MAP3K19: variants seen among roughly 807,000 people sequenced by gnomAD.
MAP3K19 encodes the protein mitogen-activated protein kinase kinase kinase 19.
A neutral mutation model predicts 114.4 loss-of-function variants in MAP3K19; 91 were observed. The ratio of observed to expected loss-of-function variants is 0.80; its 90% CI spans 0.67 to 0.95. MAP3K19 has a LOEUF of 0.95. Ranked by LOEUF, MAP3K19 falls within the 40% of genes least tolerant of loss-of-function variation. The pLI, the probability that MAP3K19 is intolerant of heterozygous loss-of-function variation, is 0.00. For missense variants in MAP3K19, 1,471 were observed against 1,573.2 expected (o/e 0.94, Z 1.10); for synonymous variants, 518 against 530.5 (o/e 0.98, Z 0.32).
At chr2:134,997,896 T>A (rs746852507) in intron 8 of MAP3K19, among the ~76,000 whole-genome samples, 9 of 152,040 alleles carry the variant, frequency 5.9e-5, no homozygotes, top group Non-Finnish European at 8.8e-5. Flanking sequence ...CCATAATAAT[T>A]ATTCTTTTTT....
intron 5 of MAP3K19, among the ~76,000 whole-genome samples, chr2:135,018,756 C>A (rs766393988): frequency 2.0e-5 from 3 of 152,092 alleles, no homozygotes; most frequent in African/African-American, 4.8e-5. Context: ...GGCAAAAATA[C>A]GTACCTCGAC....
At chr2:135,001,281 A>C (rs1463103445) in intron 6 of MAP3K19, among the ~76,000 whole-genome samples, 1 of 152,206 alleles carries the variant, frequency 6.6e-6, no homozygotes, top group Non-Finnish European at 1.5e-5. Flanking sequence ...CTCAAAGGAG[A>C]CAACTTGATT....
chr2:135,024,654 G>A lies in MAP3K19; in HGVS notation c.-7C>T. 1 of 1,612,978 alleles carries A rather than the reference G, an allele frequency of 6.2e-7. No individual in the cohort carries two copies. Among genetic ancestry groups the A allele is most frequent in the African/African-American group, 1.3e-5 (1 of 74,986 alleles). ...GTTTTGGCATAGAACTCATTAAAAT[G>A]TCCAAAAGCTGCTGTTTCTTTGAAC... On this transcript the variant is annotated 5_prime_UTR_variant, in exon 4 of 13. Coordinates refer to ENST00000392915, the MANE Select transcript of MAP3K19 (RefSeq NM_025052.5).
At chr2:134,989,650 A>G (rs889735850) in intron 9 of MAP3K19, among the ~76,000 whole-genome samples, 1 of 152,244 alleles carries the variant, frequency 6.6e-6, no homozygotes, top group African/African-American at 2.4e-5. Flanking sequence ...TAGGAAAAGA[A>G]GGGTCAGGTA....
intron 12 of MAP3K19, among the ~76,000 whole-genome samples, chr2:134,976,202 G>A (rs1011852130): frequency 6.6e-6 from 1 of 152,200 alleles, no homozygotes; most frequent in African/African-American, 2.4e-5. Flanking sequence ...GTCTGGTGGG[G>A]GCTGGACTCT....
At chr2:135,032,599 A>T (rs1438556076) in intron 2 of MAP3K19, among the ~76,000 whole-genome samples, 10 of 151,114 alleles carry the variant, frequency 6.6e-5, no homozygotes, top group African/African-American at 2.4e-4. Flanking sequence ...TTTTTAATTT[A>T]ATTTAATTTT....
chr2:134,988,084 TC>T lies in MAP3K19; in HGVS notation c.787del (p.Glu263SerfsTer6). ...RQSDELSPSNEPPGALVKSLM... is the reference protein window; with the variant it reads ...RQSDELSPSNXPPGALVKSLM... ...CGACTTAACTAGGGCTCCCGGAGGC[TC>T]GTTTGATGGGCTGAGCTCATCAGAT... On this transcript the variant is annotated frameshift_variant, in exon 10 of 13. Coordinates refer to ENST00000392915, the MANE Select transcript of MAP3K19 (RefSeq NM_025052.5). LOFTEE classifies it high-confidence loss of function. 4 of 1,613,828 alleles carry T rather than the reference TC, an allele frequency of 2.5e-6. No homozygotes were observed. Among genetic ancestry groups the T allele is most frequent in the Non-Finnish European group, 3.4e-6 (4 of 1,179,864 alleles).
In MAP3K19 at chr2:134,986,210, T is replaced by A; in HGVS notation, c.2662A>T (p.Thr888Ser). The A allele has an allele frequency of 1.2e-6, 2 of 1,613,944 alleles. No individual in the cohort carries two copies. Among genetic ancestry groups the A allele is most frequent in the Non-Finnish European group, 1.7e-6 (2 of 1,179,960 alleles). The stretch of plus-strand genomic sequence containing the variant: ...ACACTATCAAACTCTAGATCATTAG[T>A]TAAAATTCGGCTGGCATTTACTTTA... Reference protein sequence around the residue: ...LSKVNASRILTNDLEFDSVSD... With the variant: ...LSKVNASRILSNDLEFDSVSD... The change falls in exon 10 of 13, where the codon ACT becomes TCT. Residue 888 changes from threonine (T) to serine (S), a missense_variant. Transcript: ENST00000392915.
In MAP3K19 at chr2:134,980,847, T is replaced by C. The variant is rs1684584789; in HGVS notation, c.3894A>G (p.Ala1298=). The C allele has an allele frequency of 6.2e-7, 1 of 1,614,066 alleles. No individual in the cohort carries two copies. Among genetic ancestry groups the C allele is most frequent in the East Asian group, 2.2e-5 (1 of 44,886 alleles). Residue 1298 remains alanine (A), a synonymous_variant, in exon 12 of 13, where the codon GCA becomes GCG. Coordinates refer to ENST00000392915, the MANE Select transcript of MAP3K19 (RefSeq NM_025052.5). ...TGGTCAGGCACATGCGCACAAAGTC[T>C]GCTGCATTTTCTGAGAAGTGGTCTG... ...PLPDHFSENA[A]DFVRMCLTRD...
rs772686682 is a variant in MAP3K19 at position 134,987,521 on chromosome 2, G to A, written c.1351C>T (p.Pro451Ser). 1 of 1,614,022 alleles carries A rather than the reference G, an allele frequency of 6.2e-7. No homozygotes were observed. The highest frequency in any genetic ancestry group is 1.1e-5 in the South Asian group (1 of 91,076). ...KSLSSVVFDD[P>S]IDKLPEGCSS... ...CAACCTTCTGGGAGTTTATCAATGG[G>A]GTCATCAAAGACTACACTGGATAAG... Residue 451 changes from proline (P) to serine (S), a missense_variant, in exon 10 of 13, where the codon CCC (proline) becomes TCC (serine). By Grantham distance (74) the Pro-to-Ser change is moderately conservative. Coordinates refer to ENST00000392915, the MANE Select transcript of MAP3K19 (RefSeq NM_025052.5).
intron 6 of MAP3K19, among the ~76,000 whole-genome samples, chr2:135,002,687 A>C (rs1215790280): frequency 4.6e-5 from 7 of 151,794 alleles, no homozygotes; most frequent in African/African-American, 1.7e-4. Flanking sequence ...AGACTGATGC[A>C]TGTGAGTTAC....
At chr2:134,967,613 G>C (rs1349380840) in intron 12 of MAP3K19, among the ~76,000 whole-genome samples, 1 of 152,244 alleles carries the variant, frequency 6.6e-6, no homozygotes, top group Non-Finnish European at 1.5e-5. Flanking sequence ...TCCAGTCATA[G>C]TACCTTCCCT....
At chr2:135,023,540 G>T in intron 4 of MAP3K19, 1 of 533,266 alleles carries the variant, frequency 1.9e-6, no homozygotes, top group South Asian at 1.4e-5. Context: ...TTTGTTGGTT[G>T]TATTTCCATC....
chr2:134,980,730 A>G (rs1684570459), intron 12 of MAP3K19, 91 bp downstream of exon 12: 13 of 1,186,356 alleles, frequency 1.1e-5, no homozygotes, highest in South Asian at 6.0e-5. Flanking sequence ...ACCAAAACAG[A>G]GCTTTTAATG....
intron 12 of MAP3K19, among the ~76,000 whole-genome samples, chr2:134,967,154 A>T (rs1272894617): frequency 6.6e-6 from 1 of 152,206 alleles, no homozygotes; most frequent in African/African-American, 2.4e-5. Context: ...GTTTCCAAGC[A>T]GTATACTTGG....
At chr2:134,996,271 C>CTTTTTTTT (rs61265758) in intron 8 of MAP3K19, among the ~76,000 whole-genome samples, 7 of 125,766 alleles carry the variant, frequency 5.6e-5, no homozygotes, top group Non-Finnish European at 1.0e-4. Context: ...CTTCTTATTT[C>CTTTTTTTT]TTTTTTTTTT....
At chr2:135,031,872 T>G (rs1055331356) in intron 2 of MAP3K19, among the ~76,000 whole-genome samples, 1 of 152,196 alleles carries the variant, frequency 6.6e-6, no homozygotes, top group Admixed American at 6.5e-5. Context: ...CTGTCTTCAG[T>G]GTACTTTTAT....
At position 134,997,751 on chromosome 2, in the gene MAP3K19, A is replaced by G. The variant is rs137923280; in HGVS notation, c.574+987T>C. Among the ~76,000 whole-genome samples the G allele has an allele frequency of 1.3e-4, 19 of 148,780 alleles. 2 individuals carry two copies. Among genetic ancestry groups the G allele is most frequent in the African/African-American group, 4.5e-4 (18 of 40,280 alleles). On this transcript the variant is annotated intron_variant, in intron 8 of 12. Coordinates refer to ENST00000392915, the MANE Select transcript of MAP3K19 (RefSeq NM_025052.5). ...TGAGAATTGCTTGAACCCAGGAGGC[A>G]GAGGTTGCGGTGAGCTGAGATTGGG...
In MAP3K19 at chr2:134,981,368, C is replaced by T. The variant is rs1559143718; in HGVS notation, c.3373G>A (p.Ala1125Thr). Reference protein sequence around the residue: ...LKALKHVNIVAYLGTCLQENT... With the variant: ...LKALKHVNIVTYLGTCLQENT... Reference sequence around the variant, plus strand: ...TCTTGCAAGCATGTCCCCAAATAGGCCACAATGTTGACATGTTTCAGTGCT... The same window carrying T: ...TCTTGCAAGCATGTCCCCAAATAGGTCACAATGTTGACATGTTTCAGTGCT... The change falls in exon 12 of 13, where the codon GCC (alanine) becomes ACC (threonine). Residue 1125 changes from alanine (A) to threonine (T), a missense_variant. Coordinates refer to ENST00000392915, the MANE Select transcript of MAP3K19 (RefSeq NM_025052.5). 1 of 1,614,160 alleles carries T rather than the reference C, an allele frequency of 6.2e-7. No homozygotes were observed. The highest frequency in any genetic ancestry group is 8.5e-7 in the Non-Finnish European group (1 of 1,180,038).
Sources: allele counts gnomAD v4.1 joint callset (sites outside exome capture counted in the v4.1 genomes callset), GRCh38; gene constraint gnomAD v4.1.1; transcripts MANE v1.5; gene names NCBI Gene and HGNC (gene_info 2026-07-23, HGNC 2026-07-21).